The following AUTS2 variants were observed in gnomAD, a reference collection of about 807,000 sequenced individuals.
AUTS2 encodes the protein autism susceptibility gene 2 protein.
Under a neutral mutation model 112.4 loss-of-function variants are expected in AUTS2, and 17 were observed. The ratio of observed to expected loss-of-function variants is 0.15; its 90% CI spans 0.10 to 0.23. AUTS2 has a LOEUF of 0.23. Among genes scored for constraint, AUTS2 ranks in the 10% least tolerant of loss-of-function variants. The probability of loss-of-function intolerance (pLI) is 1.00; values close to 1 mark genes in which losing one functional copy is unlikely to be tolerated. For missense variants in AUTS2, 1,510 were observed against 1,701.6 expected, an observed-to-expected ratio of 0.89 and a Z score of 1.98; for synonymous variants, 751 against 702.7, an observed-to-expected ratio of 1.07 and a Z score of -1.09.
At chr7:69,901,968 G>GA (rs1794986131) in intron 2 of AUTS2, among the ~76,000 whole-genome samples, 1 of 152,190 alleles carries the variant, frequency 6.6e-6, no homozygotes, top group African/African-American at 2.4e-5. Flanking sequence ...CACAAATACA[G>GA]TGTTGTAAAG....
At chr7:69,955,644 A>G (rs184125353) in intron 2 of AUTS2, among the ~76,000 whole-genome samples, 4 of 152,234 alleles carry the variant, frequency 2.6e-5, no homozygotes, top group East Asian at 1.9e-4. Flanking sequence ...AGCATTTTCA[A>G]TTAACACCCT....
At chr7:70,712,947 G>C (rs1472778569) in intron 6 of AUTS2, among the ~76,000 whole-genome samples, 1 of 152,158 alleles carries the variant, frequency 6.6e-6, no homozygotes, top group Non-Finnish European at 1.5e-5. Flanking sequence ...AACTTCACCT[G>C]ATCTGTTCAA....
intron 2 of AUTS2, among the ~76,000 whole-genome samples, chr7:70,088,690 G>A (rs1031635805): frequency 6.6e-6 from 1 of 151,664 alleles, no homozygotes; most frequent in African/African-American, 2.4e-5. Context: ...TCGGCTGACT[G>A]CAACCTCCGC....
intron 2 of AUTS2, among the ~76,000 whole-genome samples, chr7:70,026,836 A>G (rs1800543779): frequency 6.6e-6 from 1 of 152,164 alleles, no homozygotes; most frequent in Non-Finnish European, 1.5e-5. Context: ...TCAGGAGATA[A>G]ACCCCCACAG....
At chr7:69,881,352 A>AACATC (rs1794036147) in intron 1 of AUTS2, among the ~76,000 whole-genome samples, 1 of 146,252 alleles carries the variant, frequency 6.8e-6, no homozygotes. Flanking sequence ...GGTGTTCCCT[A>AACATC]AAAGAATCCA....
At chr7:69,767,773 G>T (rs1487091597) in intron 1 of AUTS2, among the ~76,000 whole-genome samples, 1 of 152,154 alleles carries the variant, frequency 6.6e-6, no homozygotes, top group Non-Finnish European at 1.5e-5. Flanking sequence ...GTCTAGTAAG[G>T]TTTATATTTC....
intron 1 of AUTS2, among the ~76,000 whole-genome samples, chr7:69,885,566 T>C (rs1335343332): frequency 1.3e-5 from 2 of 152,172 alleles, no homozygotes; most frequent in African/African-American, 2.4e-5. Context: ...CAAAAGACCC[T>C]AATCTTGGCA....
chr7:70,427,417 G>A (rs1795481366), intron 4 of AUTS2, among the ~76,000 whole-genome samples: 1 of 152,060 alleles, frequency 6.6e-6, no homozygotes, highest in East Asian at 1.9e-4. Flanking sequence ...TTTATACTTG[G>A]CAAAATGTGA....
chr7:69,831,917 T>G (rs1791517700), intron 1 of AUTS2, among the ~76,000 whole-genome samples: 2 of 152,230 alleles, frequency 1.3e-5, no homozygotes, highest in Admixed American at 1.3e-4. Context: ...TAAATCACAA[T>G]GGATTTGAGA....
chr7:70,764,887 C>G lies in AUTS2; in HGVS notation c.1350C>G (p.Pro450=), dbSNP rs752117240. ...PLHSFTPTLQ[P]PAHSHHPNMF... is the part of the protein sequence containing the mutation. ...ACAGCTTCACACCCACCCTCCAGCC[C>G]CCCGCACACTCACATCACCCCAATA... The change falls in exon 8 of 19, where the codon CCC becomes CCG. Residue 450 remains proline (P), a synonymous_variant. Coordinates refer to ENST00000342771, the MANE Select transcript of AUTS2 (RefSeq NM_015570.4). The G allele has an allele frequency of 1.2e-6, 2 of 1,607,558 alleles. No individual in the cohort carries two copies. The highest frequency in any genetic ancestry group is 8.5e-7 in the Non-Finnish European group (1 of 1,177,068).
intron 4 of AUTS2, among the ~76,000 whole-genome samples, chr7:70,162,185 G>A (rs1385338308): frequency 2.0e-5 from 3 of 151,992 alleles, no homozygotes; most frequent in Admixed American, 6.5e-5. Context: ...GGTGGCTCAC[G>A]CCTGTAATCC....
At chr7:70,424,174 T>C (rs546883627) in intron 4 of AUTS2, among the ~76,000 whole-genome samples, 1 of 152,272 alleles carries the variant, frequency 6.6e-6, no homozygotes, top group East Asian at 1.9e-4. Flanking sequence ...AATTTGAACC[T>C]ACGTCAGCCT....
At chr7:70,783,602 C>T (rs1334819726) in intron 15 of AUTS2, 1 of 152,326 alleles carries the variant, frequency 6.6e-6, no homozygotes, top group East Asian at 1.9e-4. Context: ...CTTGTTTATA[C>T]TTCCATTCTA....
chr7:69,728,337 T>C (rs937567085), intron 1 of AUTS2, among the ~76,000 whole-genome samples: 4 of 152,204 alleles, frequency 2.6e-5, no homozygotes, highest in Non-Finnish European at 5.9e-5. Context: ...CAACTTGAAA[T>C]CTAGGGAATA....
intron 1 of AUTS2, among the ~76,000 whole-genome samples, chr7:69,696,115 C>T (rs1161180385): frequency 3.3e-5 from 5 of 152,120 alleles, no homozygotes; most frequent in Non-Finnish European, 5.9e-5. Context: ...TTTCTTTTTG[C>T]GATTTCTCCA....
chr7:69,845,651 G>T (rs947811359), intron 1 of AUTS2, among the ~76,000 whole-genome samples: 1 of 152,162 alleles, frequency 6.6e-6, no homozygotes, highest in South Asian at 2.1e-4. Context: ...AGCAGGGAGG[G>T]GAGTGTTTGT....
chr7:70,482,504 G>A (rs1460466606), intron 5 of AUTS2, among the ~76,000 whole-genome samples: 1 of 152,138 alleles, frequency 6.6e-6, no homozygotes, highest in Non-Finnish European at 1.5e-5. Context: ...ATTTTAACGG[G>A]TCACCTTCTC....
At chr7:69,670,555 C>CAAAAAAAAAAAAAAAAAAAAAAA (rs200373158) in intron 1 of AUTS2, among the ~76,000 whole-genome samples, 1 of 119,072 alleles carries the variant, frequency 8.4e-6, no homozygotes, top group African/African-American at 3.3e-5. Context: ...CTTGATCCCT[C>CAAAAAAAAAAAAAAAAAAAAAAA]AAAAAAAAAA....
intron 6 of AUTS2, among the ~76,000 whole-genome samples, chr7:70,726,713 C>T (rs1028665922): frequency 3.9e-5 from 6 of 152,158 alleles, no homozygotes; most frequent in African/African-American, 1.4e-4. Flanking sequence ...CCCCAAGACC[C>T]TTTAATGCTC....
Sources: gnomAD v4.1 joint callset for allele counts (sites outside exome capture counted in the v4.1 genomes callset) on GRCh38, gnomAD v4.1.1 for gene constraint, MANE v1.5 for transcripts, NCBI Gene and HGNC (gene_info 2026-07-23, HGNC 2026-07-21) for gene names.